Variants in VPS13C observed in about 807,000 individuals in gnomAD.
VPS13C encodes intermembrane lipid transfer protein VPS13C.
Under a neutral mutation model 456.8 loss-of-function variants are expected in VPS13C, and 358 were observed. That is an observed-to-expected ratio of 0.78 (90% CI 0.72 to 0.86). VPS13C has a LOEUF of 0.86. VPS13C is among the 40% of genes least tolerant of loss of function. The pLI is 0.00. For synonymous variants in VPS13C, 1,578 were observed against 1,486.7 expected (o/e 1.06, Z -1.41); for missense variants, 4,818 against 4,385.4 (o/e 1.10, Z -2.79).
At chr15:61,904,809 C>T (rs1476119668) in intron 66 of VPS13C, among the ~76,000 whole-genome samples, 2 of 151,802 alleles carry the variant, frequency 1.3e-5, no homozygotes, top group African/African-American at 4.8e-5. Flanking sequence ...ATAAAAATGA[C>T]TGAAATCCTG....
chr15:61,893,762 C>A, intron 66 of VPS13C, among the ~76,000 whole-genome samples: 1 of 151,904 alleles, frequency 6.6e-6, no homozygotes, highest in African/African-American at 2.4e-5. Flanking sequence ...AAAAGTGTAG[C>A]ATTTTTTAGT....
chr15:61,910,162 A>G lies in VPS13C; in HGVS notation c.8844+15T>C. On this transcript the variant is annotated intron_variant, in intron 64 of 84. Coordinates refer to ENST00000644861, the MANE Select transcript of VPS13C (RefSeq NM_020821.3). ...ATAAATAAAAATAAAAATAAAATAA[A>G]ATATGAAAACTTACCAGATCTTCTA... The G allele has an allele frequency of 1.6e-6, 2 of 1,269,264 alleles. No homozygotes were observed. The highest frequency in any genetic ancestry group is 2.0e-6 in the Non-Finnish European group (2 of 995,552). The allele number at this position is 1,269,264 out of a possible 1,614,324, so 78.6% of individuals were successfully genotyped here.
intron 18 of VPS13C, among the ~76,000 whole-genome samples, chr15:61,986,128 TACACAC>T (rs371577636): frequency 7.0e-6 from 1 of 143,462 alleles, no homozygotes; most frequent in Non-Finnish European, 1.5e-5. Context: ...CACACACCGG[TACACAC>T]ACACACACAC....
intron 22 of VPS13C, among the ~76,000 whole-genome samples, chr15:61,979,959 G>A (rs773054872): frequency 6.6e-5 from 10 of 151,830 alleles, no homozygotes; most frequent in African/African-American, 2.4e-4. Context: ...CAAGGTGAGC[G>A]GATCACTTGA....
Position 61,929,547 on chromosome 15 carries a change from CTG to C in VPS13C, c.6238_6239del (p.Gln2080AspfsTer17), listed in dbSNP as rs770018451. ...CTGTGGCAGTCTGTCTTGGTAAAAT[CTG>C]TGTTTCTTTTGCCACATTTTCTGGA... Reference protein sequence around the residue: ...QSPENVAKETQILPRQTATGK... With the variant: ...QSPENVAKETXILPRQTATGK... On this transcript the variant is annotated frameshift_variant, in exon 51 of 85. Coordinates refer to ENST00000644861, the MANE Select transcript of VPS13C (RefSeq NM_020821.3). LOFTEE classifies it high-confidence loss of function. 2 of 1,614,046 alleles carry C rather than the reference CTG, an allele frequency of 1.2e-6. No individual in the cohort carries two copies. Among genetic ancestry groups the C allele is most frequent in the Non-Finnish European group, 8.5e-7 (1 of 1,179,974 alleles).
rs760509032 is a variant in VPS13C, at chr15:62,007,398, C to T, written c.1200G>A (p.Lys400=). The part of the protein sequence containing the change: ...TQMWSWSNIK[K]HRQLLKSYKI... ...TATAACTCTTGAGTAACTGCCTGTG[C>T]TTTTTTATGTTACTCCATGACCACA... The change falls in exon 15 of 85, where the codon AAG becomes AAA. Residue 400 remains lysine (K), a synonymous_variant. Transcript: ENST00000644861. 1.7e-5 allele frequency: 27 copies of T among 1,612,814 alleles called. No individual in the cohort carries two copies. The South Asian group carries it at 3.0e-4, about 18-fold the overall frequency.
intron 9 of VPS13C, among the ~76,000 whole-genome samples, chr15:62,018,913 G>T (rs1432409849): frequency 1.3e-5 from 2 of 152,084 alleles, no homozygotes; most frequent in Non-Finnish European, 2.9e-5. Context: ...AATCCGTCTG[G>T]TCCTGGACTT....
intron 61 of VPS13C, 68 bp downstream of exon 61, chr15:61,915,565 C>G (rs927119405): frequency 4.1e-6 from 6 of 1,461,376 alleles, no homozygotes; most frequent in East Asian, 4.6e-5. Context: ...TTAGGGAAGA[C>G]AAATGACTCC....
At chr15:61,910,981 T>C (rs2043286680) in intron 63 of VPS13C, among the ~76,000 whole-genome samples, 1 of 152,194 alleles carries the variant, frequency 6.6e-6, no homozygotes, top group African/African-American at 2.4e-5. Context: ...ATGGAGATCA[T>C]TCTAAGTGCC....
At chr15:61,934,143 A>G (rs756982811) in intron 49 of VPS13C, 76 bp downstream of exon 49, 1 of 920,696 alleles carries the variant, frequency 1.1e-6, no homozygotes, top group Non-Finnish European at 1.5e-6. Flanking sequence ...AGTCCCACAC[A>G]AAAAAAAGCC....
rs74749187 is a variant in VPS13C at position 61,890,341 on chromosome 15, C to T, written c.9165G>A (p.Leu3055=). The T allele has an allele frequency of 1.9e-3, 3,117 of 1,614,010 alleles. 66 individuals are homozygous for T. In the African/African-American group the frequency reaches 0.038, roughly 20 times the overall value. The change falls in exon 67 of 85, where the codon CTG becomes CTA. Residue 3055 remains leucine (L), a synonymous_variant. Coordinates refer to ENST00000644861, the MANE Select transcript of VPS13C (RefSeq NM_020821.3). ...AAAGCAAAACTCTCTGGCGCCCATC[C>T]AGAAATGATACCCAGTGTATCTGGA... ...ANIQIHWVSF[L]DGRQRVLLFT...
At chr15:62,050,093 T>C (rs2048568645) in intron 1 of VPS13C, among the ~76,000 whole-genome samples, 1 of 152,252 alleles carries the variant, frequency 6.6e-6, no homozygotes, top group Non-Finnish European at 1.5e-5. Flanking sequence ...ATGCCCTTTA[T>C]TTCCTTCTCC....
chr15:62,013,493 T>C (rs548598349), intron 10 of VPS13C, among the ~76,000 whole-genome samples: 19 of 151,942 alleles, frequency 1.3e-4, no homozygotes, highest in Non-Finnish European at 2.5e-4. Context: ...GAGGAGTCTA[T>C]GGTCAACAAG....
In VPS13C at chr15:61,978,734, G is replaced by T. The variant is rs1408265882; in HGVS notation, c.2182C>A (p.Gln728Lys). 1 of 1,599,830 alleles carries T rather than the reference G, an allele frequency of 6.3e-7. No homozygotes were observed. The highest frequency in any genetic ancestry group is 2.3e-5 in the East Asian group (1 of 44,058). The change falls in exon 23 of 85, where the codon CAA (glutamine) becomes AAA (lysine). Residue 728 changes from glutamine (Q) to lysine (K), a missense_variant. Gln to Lys is a moderately conservative substitution (Grantham distance 53, BLOSUM62 1). Coordinates refer to ENST00000644861, the MANE Select transcript of VPS13C (RefSeq NM_020821.3). ...GAATTAGTAGTCTTCTGTAAACCTT[G>T]ATCTTTACTGTTGAGCTAAAATGAA... is the stretch of plus-strand genomic sequence containing the variant. ...FGTFQLNSKDQGLQKTTNSSL... is the reference protein window; with the variant it reads ...FGTFQLNSKDKGLQKTTNSSL...
chr15:61,950,988 G>C lies in VPS13C; in HGVS notation c.4493C>G (p.Ser1498Cys), dbSNP rs1175629009. Residue 1498 changes from serine to cysteine, a missense_variant, in exon 40 of 85, where the codon TCT becomes TGT. Coordinates refer to ENST00000644861, the MANE Select transcript of VPS13C (RefSeq NM_020821.3). ...KGEPLHIINS[S>C]NVTDEPLLKM... ...CAGAAGGGGTTCGTCAGTCACATTAGAAGAGTTAATAATGTGAAGAGGTTC... is the reference window on the plus strand; with the variant it reads ...CAGAAGGGGTTCGTCAGTCACATTACAAGAGTTAATAATGTGAAGAGGTTC... 6.2e-7 allele frequency: 1 copy of C among 1,604,548 alleles called. No homozygotes were observed. The highest frequency in any genetic ancestry group is 8.5e-7 in the Non-Finnish European group (1 of 1,175,996).
chr15:61,940,719 C>T lies in VPS13C; in HGVS notation c.5529G>A (p.Gln1843=), dbSNP rs1440305142. 6.2e-7 allele frequency: 1 copy of T among 1,613,902 alleles called. No homozygotes were observed. The highest frequency in any genetic ancestry group is 2.2e-5 in the East Asian group (1 of 44,842). Residue 1843 remains glutamine (Q), a synonymous_variant, in exon 47 of 85, where the codon CAG becomes CAA. Coordinates refer to ENST00000644861, the MANE Select transcript of VPS13C (RefSeq NM_020821.3). ...CATACCATGCTGCTGCTAAGTTTCGCTGTATGGACAAAAGCATGTTGACTG... is the reference window on the plus strand; with the variant it reads ...CATACCATGCTGCTGCTAAGTTTCGTTGTATGGACAAAAGCATGTTGACTG... ...LKPVNMLLSI[Q]RNLAAAWYVQ...
chr15:62,013,377 T>G (rs2047115277), intron 10 of VPS13C, among the ~76,000 whole-genome samples: 1 of 151,914 alleles, frequency 6.6e-6, no homozygotes, highest in Admixed American at 6.6e-5. Flanking sequence ...AAATATTTAT[T>G]CAGAAATTAG....
At position 61,966,700 on chromosome 15, in the gene VPS13C, C is replaced by T. The variant is rs561941103; in HGVS notation, c.2992-558G>A. On this transcript the variant is annotated intron_variant, in intron 29 of 84. Transcript: ENST00000644861. ...CTTCTGGCCTTGCCAATTTCCCTGC[C>T]CCTCTGTTCCAATAATGCTTTGTGC... Among the ~76,000 whole-genome samples the T allele has an allele frequency of 8.6e-5, 13 of 152,020 alleles. No individual in the cohort carries two copies. The East Asian group carries it at 1.5e-3, about 18-fold the overall frequency.
chr15:61,966,255 T>A, intron 29 of VPS13C, 113 bp from the exon 30 acceptor site: 1 of 569,164 alleles, frequency 1.8e-6, no homozygotes, highest in Non-Finnish European at 2.8e-6. Flanking sequence ...TTATATACAC[T>A]GTATATTTAA....
Sources: allele counts gnomAD v4.1 joint callset (sites outside exome capture counted in the v4.1 genomes callset), GRCh38; gene constraint gnomAD v4.1.1; transcripts MANE v1.5; gene names NCBI Gene and HGNC (gene_info 2026-07-23, HGNC 2026-07-21).